Variants in PLCB4 observed in about 807,000 individuals in gnomAD.
PLCB4 encodes the protein phospholipase C beta 4.
A neutral mutation model predicts 178.8 loss-of-function variants in PLCB4; 77 were observed. The ratio of observed to expected loss-of-function variants is 0.43; its 90% CI spans 0.36 to 0.52. PLCB4 has a LOEUF of 0.52. Among genes scored for constraint, PLCB4 ranks in the 20% least tolerant of loss-of-function variants. The probability of loss-of-function intolerance (pLI) is 0.00; values close to 1 mark genes in which losing one functional copy is unlikely to be tolerated. For synonymous variants in PLCB4, 496 were observed against 490.8 expected (o/e 1.01, Z -0.14); for missense variants, 1,024 against 1,453.4 (o/e 0.70, Z 4.80).
chr20:9,187,016 C>T (rs765028915), intron 2 of PLCB4, among the ~76,000 whole-genome samples: 1 of 152,056 alleles, frequency 6.6e-6, no homozygotes, highest in Non-Finnish European at 1.5e-5. Flanking sequence ...GCTCTGTCAC[C>T]CAGGCTGGAG....
intron 3 of PLCB4, among the ~76,000 whole-genome samples, chr20:9,289,497 C>T (rs2094562151): frequency 6.6e-6 from 1 of 151,908 alleles, no homozygotes; most frequent in African/African-American, 2.4e-5. Flanking sequence ...GCTGAGGTTA[C>T]CAGGATCTCT....
intron 1 of PLCB4, among the ~76,000 whole-genome samples, chr20:9,095,599 G>A (rs1244990994): frequency 6.6e-6 from 1 of 152,124 alleles, no homozygotes; most frequent in Non-Finnish European, 1.5e-5. Flanking sequence ...ATATTAACAA[G>A]TGATTTTGAA....
At chr20:9,390,845 T>C (rs1020370747) in intron 17 of PLCB4, among the ~76,000 whole-genome samples, 1 of 152,162 alleles carries the variant, frequency 6.6e-6, no homozygotes, top group Non-Finnish European at 1.5e-5. Context: ...CAGATCTCAG[T>C]CTTAAAGTTT....
At chr20:9,398,912 C>A (rs990218282) in intron 19 of PLCB4, among the ~76,000 whole-genome samples, 1 of 152,150 alleles carries the variant, frequency 6.6e-6, no homozygotes, top group African/African-American at 2.4e-5. Flanking sequence ...CCCAGAGCTA[C>A]CTGATTCAAG....
intron 7 of PLCB4, among the ~76,000 whole-genome samples, chr20:9,359,308 G>A (rs2035116742): frequency 6.6e-6 from 1 of 152,100 alleles, no homozygotes; most frequent in African/African-American, 2.4e-5. Flanking sequence ...ATAAATTTAA[G>A]GAGTCCCAGA....
chr20:9,437,975 A>G (rs1458129451), intron 30 of PLCB4, among the ~76,000 whole-genome samples: 1 of 152,142 alleles, frequency 6.6e-6, no homozygotes, highest in Non-Finnish European at 1.5e-5. Flanking sequence ...CTAGTAGTCT[A>G]TTTTCTCAGG....
chr20:9,460,456 T>G (rs2043321440), intron 35 of PLCB4, among the ~76,000 whole-genome samples: 1 of 152,206 alleles, frequency 6.6e-6, no homozygotes, highest in Non-Finnish European at 1.5e-5. Context: ...TGTTAGGACT[T>G]CTGTGAATTT....
At position 9,338,971 on chromosome 20, in the gene PLCB4, C is replaced by T; in HGVS notation, c.303C>T (p.Cys101=). Residue 101 remains cysteine (C), a synonymous_variant, in exon 7 of 40, where the codon TGC becomes TGT. Transcript: ENST00000378473. Reference sequence around the variant, plus strand: ...TGGAAGGGCGGATAGTTTGTGTCTGCAGTGGCACAGATCTAGTGAACATTA... The same window carrying T: ...TGGAAGGGCGGATAGTTTGTGTCTGTAGTGGCACAGATCTAGTGAACATTA... ...NDLEGRIVCV[C]SGTDLVNISF... 2 of 1,612,700 alleles carry T rather than the reference C, an allele frequency of 1.2e-6. No individual in the cohort carries two copies. The highest frequency in any genetic ancestry group is 1.7e-6 in the Non-Finnish European group (2 of 1,178,890).
chr20:9,281,877 C>G (rs1019683343), intron 3 of PLCB4, among the ~76,000 whole-genome samples: 1 of 151,908 alleles, frequency 6.6e-6, no homozygotes, highest in Non-Finnish European at 1.5e-5. Flanking sequence ...TATCAACTTA[C>G]TAATAATATC....
intron 27 of PLCB4, among the ~76,000 whole-genome samples, chr20:9,422,911 C>G (rs1036833791): frequency 2.0e-5 from 3 of 152,178 alleles, no homozygotes; most frequent in South Asian, 2.1e-4. Flanking sequence ...AATAGGCAAC[C>G]AGTCCATTGT....
chr20:9,145,578 G>T (rs1023115384), intron 2 of PLCB4, among the ~76,000 whole-genome samples: 1 of 151,754 alleles, frequency 6.6e-6, no homozygotes, highest in African/African-American at 2.4e-5. Context: ...TTGAGGTTGG[G>T]CAGGGGAGAG....
chr20:9,163,196 T>G (rs1018736553), intron 2 of PLCB4, among the ~76,000 whole-genome samples: 15 of 152,164 alleles, frequency 9.9e-5, no homozygotes, highest in African/African-American at 3.4e-4. Context: ...AATTGGGAGA[T>G]GGGTTTCTGT....
intron 12 of PLCB4, among the ~76,000 whole-genome samples, chr20:9,373,933 G>T (rs1027828231): frequency 6.6e-6 from 1 of 152,056 alleles, no homozygotes; most frequent in African/African-American, 2.4e-5. Flanking sequence ...ACATTAATAA[G>T]AGTTTGAGTG....
intron 1 of PLCB4, among the ~76,000 whole-genome samples, chr20:9,095,886 C>T (rs2090893117): frequency 6.6e-6 from 1 of 152,034 alleles, no homozygotes; most frequent in Admixed American, 6.6e-5. Flanking sequence ...ATCATTTTCC[C>T]ACTGGAAAAG....
In PLCB4 at chr20:9,299,756, G is replaced by A. The variant is rs545735645; in HGVS notation, c.-15-8044G>A. 2.4e-4 allele frequency among the ~76,000 whole-genome samples: 36 copies of A among 152,046 alleles called. No individual in the cohort carries two copies. The South Asian group carries it at 7.3e-3, about 31-fold the overall frequency. On this transcript the variant is annotated intron_variant, in intron 3 of 39. Coordinates refer to ENST00000378473, the MANE Select transcript of PLCB4 (RefSeq NM_001377142.1). ...TTTTTCTACCATAAACAGCACAACAGTATTCTTGTGCATAGATTTTGTACA... is the reference window on the plus strand; with the variant it reads ...TTTTTCTACCATAAACAGCACAACAATATTCTTGTGCATAGATTTTGTACA...
At chr20:9,168,033 C>G (rs903792993) in intron 2 of PLCB4, among the ~76,000 whole-genome samples, 1 of 152,160 alleles carries the variant, frequency 6.6e-6, no homozygotes, top group Non-Finnish European at 1.5e-5. Flanking sequence ...ATAGCTGAAG[C>G]AGGGACAGTG....
chr20:9,305,931 G>C (rs749615799), intron 3 of PLCB4, among the ~76,000 whole-genome samples: 1 of 151,910 alleles, frequency 6.6e-6, no homozygotes, highest in African/African-American at 2.4e-5. Context: ...TGCATATTTT[G>C]TGTCTTCAGT....
At chr20:9,412,295 C>T (rs2039914613) in intron 25 of PLCB4, among the ~76,000 whole-genome samples, 1 of 152,154 alleles carries the variant, frequency 6.6e-6, no homozygotes, top group South Asian at 2.1e-4. Context: ...AGGCATCAAG[C>T]CCCAGGGGTT....
intron 2 of PLCB4, among the ~76,000 whole-genome samples, chr20:9,206,367 A>C (rs1410725143): frequency 6.8e-6 from 1 of 147,932 alleles, no homozygotes; most frequent in African/African-American, 2.5e-5. Flanking sequence ...TATCCACAAA[A>C]GAAACTTTTC....
Sources: gnomAD v4.1 joint callset for allele counts (sites outside exome capture counted in the v4.1 genomes callset) on GRCh38, gnomAD v4.1.1 for gene constraint, MANE v1.5 for transcripts, NCBI Gene and HGNC (gene_info 2026-07-23, HGNC 2026-07-21) for gene names.